The following IMMP2L variants were observed in gnomAD, a reference collection of about 807,000 sequenced individuals.
IMMP2L encodes mitochondrial inner membrane protease subunit 2.
A neutral mutation model predicts 19.3 loss-of-function variants in IMMP2L; 18 were observed. The observed-to-expected ratio is 0.93, with a 90% CI of 0.64 to 1.38. The LOEUF is 1.38. Ranked by LOEUF, IMMP2L falls within the 40% of genes most tolerant of loss-of-function variation. The pLI is 0.00. For synonymous variants in IMMP2L, 76 were observed against 73.0 expected, an observed-to-expected ratio of 1.04 and a Z score of -0.21; for missense variants, 233 against 218.2, an observed-to-expected ratio of 1.07 and a Z score of -0.43.
chr7:110,843,595 T>C (rs914079767), intron 5 of IMMP2L, among the ~76,000 whole-genome samples: 5 of 152,076 alleles, frequency 3.3e-5, no homozygotes, highest in African/African-American at 1.2e-4. Flanking sequence ...ATATACAAGG[T>C]CCCTGCTATA....
intron 3 of IMMP2L, among the ~76,000 whole-genome samples, chr7:111,293,025 C>T (rs1241416302): frequency 6.6e-6 from 1 of 151,930 alleles, no homozygotes; most frequent in Admixed American, 6.6e-5. Context: ...GCATATACCT[C>T]ACCATCCTGC....
In IMMP2L at chr7:111,275,745, A is replaced by T. The variant is rs111367597; in HGVS notation, c.239+211493T>A. Reference sequence around the variant, plus strand: ...TTTCATCAGTGTTTTGTAGTTCTACATATAGAGATCTTTCACTTCCTTGAT... The same window carrying T: ...TTTCATCAGTGTTTTGTAGTTCTACTTATAGAGATCTTTCACTTCCTTGAT... On this transcript the variant is annotated intron_variant, in intron 3 of 5. Transcript: ENST00000405709. Among the ~76,000 whole-genome samples the T allele has an allele frequency of 3.6e-3, 544 of 152,252 alleles. 2 individuals carry two copies. Among genetic ancestry groups the T allele is most frequent in the African/African-American group, 0.012 (514 of 41,562 alleles).
chr7:110,772,555 G>A (rs1439615346), intron 5 of IMMP2L, among the ~76,000 whole-genome samples: 1 of 152,160 alleles, frequency 6.6e-6, no homozygotes, highest in African/African-American at 2.4e-5. Context: ...CCCCTTCAAT[G>A]AGTGTGATGC....
intron 3 of IMMP2L, among the ~76,000 whole-genome samples, chr7:111,451,056 A>G (rs1839106502): frequency 6.8e-6 from 1 of 147,370 alleles, no homozygotes; most frequent in South Asian, 2.1e-4. Flanking sequence ...AAAGTCAGGA[A>G]ACAACAGGTG....
At chr7:111,536,296 T>C (rs1485478446) in intron 1 of IMMP2L, among the ~76,000 whole-genome samples, 2 of 151,854 alleles carry the variant, frequency 1.3e-5, no homozygotes, top group Non-Finnish European at 2.9e-5. Context: ...TGGTGGTGGG[T>C]TGTTTTTTGT....
At chr7:110,700,672 G>A (rs1794219853) in intron 5 of IMMP2L, among the ~76,000 whole-genome samples, 1 of 152,138 alleles carries the variant, frequency 6.6e-6, no homozygotes, top group Non-Finnish European at 1.5e-5. Context: ...GGGTTTACCT[G>A]AACTCTAACT....
At chr7:111,144,716 C>T (rs550274660) in intron 3 of IMMP2L, among the ~76,000 whole-genome samples, 15 of 152,032 alleles carry the variant, frequency 9.9e-5, no homozygotes, top group South Asian at 4.1e-4. Context: ...GAAAGAGATA[C>T]CTCCCACAAG....
At chr7:111,300,635 C>T (rs1822120415) in intron 3 of IMMP2L, among the ~76,000 whole-genome samples, 1 of 152,100 alleles carries the variant, frequency 6.6e-6, no homozygotes, top group Admixed American at 6.6e-5. Flanking sequence ...TCCCCAACTC[C>T]AAGTCCTGAC....
At chr7:110,844,305 A>G (rs879786607) in intron 5 of IMMP2L, among the ~76,000 whole-genome samples, 1 of 152,144 alleles carries the variant, frequency 6.6e-6, no homozygotes, top group Non-Finnish European at 1.5e-5. Flanking sequence ...ATTTAGAGGC[A>G]TGTACAAAAT....
chr7:111,398,545 T>C (rs950965893), intron 3 of IMMP2L, among the ~76,000 whole-genome samples: 2 of 152,062 alleles, frequency 1.3e-5, no homozygotes, highest in Non-Finnish European at 1.5e-5. Flanking sequence ...GTTGAAAGCA[T>C]TCCTTCTGAG....
At chr7:110,866,508 A>G (rs1383409387) in intron 5 of IMMP2L, among the ~76,000 whole-genome samples, 1 of 151,778 alleles carries the variant, frequency 6.6e-6, no homozygotes. Context: ...TCTTCCCTCT[A>G]TTGCTTCACT....
chr7:111,330,477 T>C (rs1235426300), intron 3 of IMMP2L, among the ~76,000 whole-genome samples: 2 of 151,190 alleles, frequency 1.3e-5, no homozygotes, highest in African/African-American at 2.4e-5. Context: ...ACAACTTATA[T>C]ACTGAAAGGG....
chr7:110,778,407 A>T (rs1195102723), intron 5 of IMMP2L, among the ~76,000 whole-genome samples: 1 of 152,000 alleles, frequency 6.6e-6, no homozygotes. Flanking sequence ...TGGGATATAA[A>T]GATGCTGATA....
chr7:111,419,050 T>C (rs1222027039), intron 3 of IMMP2L, among the ~76,000 whole-genome samples: 1 of 151,830 alleles, frequency 6.6e-6, no homozygotes, highest in Non-Finnish European at 1.5e-5. Flanking sequence ...GCCACTGCCA[T>C]AGGTGGAAAT....
intron 3 of IMMP2L, among the ~76,000 whole-genome samples, chr7:111,002,644 G>C (rs913301192): frequency 2.6e-5 from 4 of 152,062 alleles, no homozygotes; most frequent in Non-Finnish European, 5.9e-5. Context: ...ACTTAATCAA[G>C]GGTAATTTTT....
At chr7:111,080,662 T>G (rs1358694126) in intron 3 of IMMP2L, among the ~76,000 whole-genome samples, 1 of 152,154 alleles carries the variant, frequency 6.6e-6, no homozygotes, top group Non-Finnish European at 1.5e-5. Context: ...CATTCTACAC[T>G]CAATTAAGCC....
intron 3 of IMMP2L, among the ~76,000 whole-genome samples, chr7:110,969,151 AAAATCAAGAT>A (rs1450612382): frequency 6.6e-6 from 1 of 152,098 alleles, no homozygotes; most frequent in African/African-American, 2.4e-5. Context: ...TATTATCTGT[AAAATCAAGAT>A]AAAAACGAAT....
At chr7:111,228,049 C>T (rs961856749) in intron 3 of IMMP2L, among the ~76,000 whole-genome samples, 1 of 152,132 alleles carries the variant, frequency 6.6e-6, no homozygotes, top group Non-Finnish European at 1.5e-5. Flanking sequence ...CCACAGAAAT[C>T]TATCAGAAAT....
chr7:111,426,302 C>T (rs1836067627), intron 3 of IMMP2L, among the ~76,000 whole-genome samples: 1 of 150,976 alleles, frequency 6.6e-6, no homozygotes, highest in Non-Finnish European at 1.5e-5. Flanking sequence ...TTTCAATCAC[C>T]AGTATAATTT....
Sources: allele counts gnomAD v4.1 joint callset (sites outside exome capture counted in the v4.1 genomes callset), GRCh38; gene constraint gnomAD v4.1.1; transcripts MANE v1.5; gene names NCBI Gene and HGNC (gene_info 2026-07-23, HGNC 2026-07-21).